Variants in NAGPA observed in about 807,000 individuals in gnomAD.
NAGPA encodes alpha-N-acetylglucosaminyl phosphodiesterase.
Under a neutral mutation model 48.5 loss-of-function variants are expected in NAGPA, and 56 were observed. The observed-to-expected ratio is 1.15, with a 90% CI of 0.93 to 1.44. The LOEUF (loss-of-function observed/expected upper bound fraction) is 1.44. Among genes scored for constraint, NAGPA ranks in the 40% most tolerant of loss-of-function variants. The probability of loss-of-function intolerance (pLI) is 0.00; values close to 1 mark genes in which losing one functional copy is unlikely to be tolerated. For missense variants in NAGPA, 888 were observed against 735.0 expected, an observed-to-expected ratio of 1.21 and a Z score of -2.41; for synonymous variants, 399 against 315.5, an observed-to-expected ratio of 1.26 and a Z score of -2.81.
chr16:5,030,516 G>C (rs1013715445), intron 3 of NAGPA, 23 bp from the exon 4 acceptor site: 3 of 1,541,400 alleles, frequency 1.9e-6, no homozygotes, highest in African/African-American at 1.4e-5. Context: ...CAGCCTGGCT[G>C]ATCACCGCCC....
rs1262340392 is a variant in NAGPA, at chr16:5,033,549, G to A, written c.266C>T (p.Ala89Val). 3.3e-6 allele frequency: 5 copies of A among 1,505,690 alleles called. 1 individual carries two copies. The African/African-American group carries it at 4.3e-5, about 13-fold the overall frequency. The allele number at this position is 1,505,690 out of a possible 1,614,324, so 93.3% of individuals were successfully genotyped here. ...RTFVSHFRDRAVAGHLTRAVE... is the reference protein window; with the variant it reads ...RTFVSHFRDRVVAGHLTRAVE... ...GGCCCGCGTCAGGTGGCCGGCCACCGCGCGGTCCCTGAAGTGCGACACGAA... is the reference window on the plus strand; with the variant it reads ...GGCCCGCGTCAGGTGGCCGGCCACCACGCGGTCCCTGAAGTGCGACACGAA... The change falls in exon 2 of 10, where the codon GCG becomes GTG. Residue 89 changes from alanine to valine, a missense_variant. Coordinates refer to ENST00000312251, the MANE Select transcript of NAGPA (RefSeq NM_016256.4). The surrounding 1 kb of genome is among the most constrained non-coding windows in gnomAD (Gnocchi z 4.2).
intron 2 of NAGPA, 129 bp from the exon 3 acceptor site, chr16:5,032,013 T>G: frequency 8.1e-7 from 1 of 1,229,924 alleles, no homozygotes; most frequent in Non-Finnish European, 1.2e-6. Flanking sequence ...TCCTGGGGCC[T>G]GAGTGTAGCT....
rs763251421 is a variant in NAGPA at position 5,025,437 on chromosome 16, A to C, written c.*41T>G. ...CCCTGCAGAAGCCAGACCGTGGGGA[A>C]ACAAGCTTTCGCGACGTGCCACCCC... On this transcript the variant is annotated 3_prime_UTR_variant, in exon 10 of 10. Transcript: ENST00000312251. 1 of 1,606,368 alleles carries C rather than the reference A, an allele frequency of 6.2e-7. No individual in the cohort carries two copies. The highest frequency in any genetic ancestry group is 2.2e-5 in the East Asian group (1 of 44,816).
chr16:5,025,629 G>A lies in NAGPA; in HGVS notation c.1397C>T (p.Ala466Val), dbSNP rs1205240831. ...ALAFLLLIST[A>V]ANLSLLLSRA... Reference sequence around the variant, plus strand: ...GGACAGGAGCAAGGACAGGTTTGCTGCAGTGCTGATCAGCAGGAGGAAGGC... The same window carrying A: ...GGACAGGAGCAAGGACAGGTTTGCTACAGTGCTGATCAGCAGGAGGAAGGC... Residue 466 changes from alanine (A) to valine (V), a missense_variant, in exon 10 of 10, where the codon GCA (alanine) becomes GTA (valine). Coordinates refer to ENST00000312251, the MANE Select transcript of NAGPA (RefSeq NM_016256.4). The A allele has an allele frequency of 1.2e-6, 2 of 1,613,792 alleles. No homozygotes were observed. The highest frequency in any genetic ancestry group is 1.7e-6 in the Non-Finnish European group (2 of 1,180,004).
At position 5,028,888 on chromosome 16, in the gene NAGPA, T is replaced by C; in HGVS notation, c.912A>G (p.Ser304=). Residue 304 remains serine, a synonymous_variant, in exon 5 of 10, where the codon TCA becomes TCG. Coordinates refer to ENST00000312251, the MANE Select transcript of NAGPA (RefSeq NM_016256.4). The part of the protein sequence containing the change: ...VLNGTLASYP[S]DHCQDNMWRC... ...GGCTCTCACGTGCTTACCAGTGATC[T>C]GACGGGTAACTGGCCAAGGTCCCGT... 1 of 1,614,086 alleles carries C rather than the reference T, an allele frequency of 6.2e-7. No individual in the cohort carries two copies. Among genetic ancestry groups the C allele is most frequent in the Non-Finnish European group, 8.5e-7 (1 of 1,180,040 alleles).
Position 5,028,040 on chromosome 16 carries a change from C to T in NAGPA, c.1066G>A (p.Gly356Ser), listed in dbSNP as rs150254440. ...GGGCCACAGTCCAGCTCATCACAGCCGGGACCCCGCCAGAAGTGCCCGGTG... is the reference window on the plus strand; with the variant it reads ...GGGCCACAGTCCAGCTCATCACAGCTGGGACCCCGCCAGAAGTGCCCGGTG... ...QCTGHFWRGP[G>S]CDELDCGPSN... Residue 356 changes from glycine (G) to serine (S), a missense_variant, in exon 6 of 10, where the codon GGC (glycine) becomes AGC (serine). Physicochemically the swap from Gly to Ser is moderately conservative, Grantham distance 56. Coordinates refer to ENST00000312251, the MANE Select transcript of NAGPA (RefSeq NM_016256.4). 6.3e-5 allele frequency: 102 copies of T among 1,613,842 alleles called. No homozygotes were observed. In the Middle Eastern group the frequency reaches 6.6e-4, roughly 10 times the overall value.
At position 5,029,019 on chromosome 16, in the gene NAGPA, A is replaced by C. The variant is rs1208951568; in HGVS notation, c.792-11T>G. 1.1e-5 allele frequency: 17 copies of C among 1,612,334 alleles called. No homozygotes were observed. The highest frequency in any genetic ancestry group is 1.4e-5 in the Non-Finnish European group (17 of 1,180,000). ...TCCCACAGGTTGATGCTGCGGCACAAAGCGGCGCTGCTCAGGCTCAGCGCC... is the reference window on the plus strand; with the variant it reads ...TCCCACAGGTTGATGCTGCGGCACACAGCGGCGCTGCTCAGGCTCAGCGCC... On this transcript the variant is annotated splice_polypyrimidine_tract_variant and intron_variant, in intron 4 of 9. Coordinates refer to ENST00000312251, the MANE Select transcript of NAGPA (RefSeq NM_016256.4).
At position 5,033,275 on chromosome 16, in the gene NAGPA, G is replaced by T; in HGVS notation, c.540C>A (p.Thr180=). 1 of 1,592,102 alleles carries T rather than the reference G, an allele frequency of 6.3e-7. No individual in the cohort carries two copies. Among genetic ancestry groups the T allele is most frequent in the Non-Finnish European group, 8.5e-7 (1 of 1,177,490 alleles). The part of the protein sequence containing the change: ...FGIRRDGTLV[T]GYLSEEEVLD... The stretch of plus-strand genomic sequence containing the variant: ...CACGGGGCTCCCTGCCTCCTCACCC[G>T]GTGACCAGGGTCCCGTCGCGGCGGA... Residue 180 remains threonine (T), a splice_region_variant and synonymous_variant, in exon 2 of 10, where the codon ACC becomes ACA. Coordinates refer to ENST00000312251, the MANE Select transcript of NAGPA (RefSeq NM_016256.4). This position sits in a 1 kb window ranked among gnomAD's most constrained non-coding sequence, Gnocchi z 4.2.
In NAGPA at chr16:5,027,987, G is replaced by A; in HGVS notation, c.1119C>T (p.Cys373=). 20 of 1,600,018 alleles carry A rather than the reference G, an allele frequency of 1.2e-5. No homozygotes were observed. The highest frequency in any genetic ancestry group is 1.7e-5 in the Non-Finnish European group (20 of 1,177,172). The change falls in exon 6 of 10, where the codon TGC becomes TGT. Residue 373 remains cysteine (C), a synonymous_variant. Coordinates refer to ENST00000312251, the MANE Select transcript of NAGPA (RefSeq NM_016256.4). ...CCCAGAACCCCCACTCACTCTCCGT[G>A]CACAGTCCGTGCTGGCTGCAGTTAG... ...GPSNCSQHGL[C]TETGCRCDAG... is the part of the protein sequence containing the mutation.
chr16:5,029,183 C>CA (rs1191026173), intron 4 of NAGPA, 175 bp from the exon 5 acceptor site: 1 of 1,042,538 alleles, frequency 9.6e-7, no homozygotes, highest in Non-Finnish European at 1.4e-6. Flanking sequence ...CGTGAGATCA[C>CA]ACCCATGCCT....
chr16:5,033,622 G>A lies in NAGPA; in HGVS notation c.193C>T (p.Pro65Ser), dbSNP rs757955863. ...RAGNREHESW[P>S]PPPATPGAGG... is the part of the protein sequence containing the mutation. ...GCGCCGGGAGTCGCGGGAGGCGGAGGCCAACTCTCGTGCTCGCGGTTGCCG... is the reference window on the plus strand; with the variant it reads ...GCGCCGGGAGTCGCGGGAGGCGGAGACCAACTCTCGTGCTCGCGGTTGCCG... Residue 65 changes from proline to serine, a missense_variant, in exon 2 of 10, where the codon CCT becomes TCT. Coordinates refer to ENST00000312251, the MANE Select transcript of NAGPA (RefSeq NM_016256.4). The surrounding 1 kb of genome is among the most constrained non-coding windows in gnomAD (Gnocchi z 4.2). 2.0e-6 allele frequency: 3 copies of A among 1,523,878 alleles called. No individual in the cohort carries two copies. Among genetic ancestry groups the A allele is most frequent in the Non-Finnish European group, 2.6e-6 (3 of 1,147,974 alleles). 94.4% of individuals were successfully genotyped at this position (1,523,878 alleles called of 1,614,324 possible).
At chr16:5,030,081 T>C (rs1302567013) in intron 4 of NAGPA, 4 of 515,024 alleles carry the variant, frequency 7.8e-6, no homozygotes, top group African/African-American at 5.8e-5. Flanking sequence ...GGTAGACAAG[T>C]CATCGATGGC....
In NAGPA at chr16:5,028,188, G is replaced by A. The variant is rs1172025655; in HGVS notation, c.921-3C>T. On this transcript the variant is annotated splice_region_variant and splice_polypyrimidine_tract_variant and intron_variant, in intron 5 of 9. Coordinates refer to ENST00000312251, the MANE Select transcript of NAGPA (RefSeq NM_016256.4). ...GACAGCGCCACATGTTGTCCTGGCTGTAGAGGGATGTGATGTGTGAGGAGA... is the reference window on the plus strand; with the variant it reads ...GACAGCGCCACATGTTGTCCTGGCTATAGAGGGATGTGATGTGTGAGGAGA... The A allele has an allele frequency of 1.3e-6, 2 of 1,555,754 alleles. No individual in the cohort carries two copies. Among genetic ancestry groups the A allele is most frequent in the East Asian group, 2.4e-5 (1 of 41,230 alleles).
At position 5,033,455 on chromosome 16, in the gene NAGPA, G is replaced by A. The variant is rs564500948; in HGVS notation, c.360C>T (p.Arg120=). 3.2e-6 allele frequency: 5 copies of A among 1,585,946 alleles called. No individual in the cohort carries two copies. The highest frequency in any genetic ancestry group is 3.4e-5 in the Admixed American group (2 of 58,786). Residue 120 remains arginine (R), a synonymous_variant, in exon 2 of 10, where the codon CGC becomes CGT. Coordinates refer to ENST00000312251, the MANE Select transcript of NAGPA (RefSeq NM_016256.4). The surrounding 1 kb of genome is among the most constrained non-coding windows in gnomAD (Gnocchi z 4.2). ...GGPGGCAARR[R]ATVEETARAA... ...CCCGCGCCGTCTCCTCCACGGTGGCGCGTCGTCTCGCCGCGCAGCCGCCGG... is the reference window on the plus strand; with the variant it reads ...CCCGCGCCGTCTCCTCCACGGTGGCACGTCGTCTCGCCGCGCAGCCGCCGG...
Position 5,025,605 on chromosome 16 carries a change from G to A in NAGPA, c.1421C>T (p.Ser474Phe), listed in dbSNP as rs769593651. The A allele has an allele frequency of 6.2e-7, 1 of 1,613,854 alleles. No individual in the cohort carries two copies. Among genetic ancestry groups the A allele is most frequent in the Non-Finnish European group, 8.5e-7 (1 of 1,180,030 alleles). Residue 474 changes from serine to phenylalanine, a missense_variant, in exon 10 of 10, where the codon TCC becomes TTC. Transcript: ENST00000312251. ...STAANLSLLL[S>F]RAERNRRLHG... ...CAGGCGCCGGTTCCTCTCTGCTCTG[G>A]ACAGGAGCAAGGACAGGTTTGCTGC...
In NAGPA at chr16:5,033,722, G is replaced by C; in HGVS notation, c.93C>G (p.Ser31=). The C allele has an allele frequency of 6.2e-7, 1 of 1,603,912 alleles. No homozygotes were observed. Among genetic ancestry groups the C allele is most frequent in the Non-Finnish European group, 8.5e-7 (1 of 1,177,418 alleles). The change falls in exon 2 of 10, where the codon TCC becomes TCG. Residue 31 remains serine (S), a synonymous_variant. Transcript: ENST00000312251. This position sits in a 1 kb window ranked among gnomAD's most constrained non-coding sequence, Gnocchi z 4.2. ...AGGGCAGTAGCAAGTCGTCGTCGCGGGAGGCCCTGCGGGGACGGGCGGCCG... is the reference window on the plus strand; with the variant it reads ...AGGGCAGTAGCAAGTCGTCGTCGCGCGAGGCCCTGCGGGGACGGGCGGCCG... ...EASGGLDSGA[S]RDDDLLLPYP... is the part of the protein sequence containing the mutation.
chr16:5,028,086 G>A lies in NAGPA; in HGVS notation c.1020C>T (p.Cys340=), dbSNP rs372740483. ...QPPDCHGHGT[C]VDGHCQCTGH... ...CGGTGCATTGGCAGTGCCCGTCCAC[G>A]CAGGTCCCGTGGCCGTGGCAGTCAG... The change falls in exon 6 of 10, where the codon TGC becomes TGT. Residue 340 remains cysteine (C), a synonymous_variant. Coordinates refer to ENST00000312251, the MANE Select transcript of NAGPA (RefSeq NM_016256.4). 7.8e-5 allele frequency: 126 copies of A among 1,613,248 alleles called. 1 individual carries two copies. In the Middle Eastern group the frequency reaches 2.0e-3, roughly 25 times the overall value.
chr16:5,028,336 G>A, intron 5 of NAGPA, 151 bp from the exon 6 acceptor site: 10 of 1,436,548 alleles, frequency 7.0e-6, no homozygotes, highest in Non-Finnish European at 8.6e-6. Flanking sequence ...ATGAGGTATT[G>A]CGATCCTTCC....
intron 4 of NAGPA, chr16:5,029,282 C>A (rs1287559341): frequency 2.7e-5 from 13 of 484,634 alleles, no homozygotes. Flanking sequence ...GAGTGTTCAA[C>A]ACAGAGAGCC....
Sources: gnomAD v4.1 joint callset for allele counts on GRCh38, gnomAD v4.1.1 for gene constraint, Gnocchi (gnomAD v3.1) non-coding constraint, MANE v1.5 for transcripts, NCBI Gene and HGNC (gene_info 2026-07-23, HGNC 2026-07-21) for gene names.